The following GABRG3 variants were observed in gnomAD, a reference collection of about 807,000 sequenced individuals.
The protein encoded by GABRG3 is gamma-aminobutyric acid type A receptor subunit gamma3, also known as gamma-aminobutyric acid receptor subunit gamma-3.
GABRG3 carries 25 observed loss-of-function variants against 48.8 expected under a neutral mutation model. That is an observed-to-expected ratio of 0.51 (90% CI 0.37 to 0.72). The LOEUF (loss-of-function observed/expected upper bound fraction) is 0.72, where lower values mean the gene tolerates loss of function less well. Ranked by LOEUF, GABRG3 falls within the 30% of genes least tolerant of loss-of-function variation. GABRG3 has a pLI of 0.00. For synonymous variants in GABRG3, 227 were observed against 217.6 expected (o/e 1.04, Z -0.38); for missense variants, 394 against 577.9 (o/e 0.68, Z 3.26).
chr15:27,246,405 A>G (rs940808871), intron 3 of GABRG3, among the ~76,000 whole-genome samples: 1 of 152,192 alleles, frequency 6.6e-6, no homozygotes, highest in Non-Finnish European at 1.5e-5. Flanking sequence ...CTACATATAT[A>G]CTTATTCCAT....
intron 3 of GABRG3, among the ~76,000 whole-genome samples, chr15:27,261,757 C>A (rs28508311): frequency 7.9e-4 from 120 of 152,044 alleles, no homozygotes; most frequent in African/African-American, 2.7e-3. Flanking sequence ...TCTTACCTTG[C>A]AAGATTATTG....
chr15:27,233,592 C>T (rs914904320), intron 3 of GABRG3, among the ~76,000 whole-genome samples: 1 of 152,120 alleles, frequency 6.6e-6, no homozygotes, highest in African/African-American at 2.4e-5. Flanking sequence ...ACGAAGGCTC[C>T]ACCCTCATGA....
Position 27,271,391 on chromosome 15 carries a change from C to T in GABRG3, c.271-55418C>T, listed in dbSNP as rs142469371. On this transcript the variant is annotated intron_variant, in intron 3 of 9. Coordinates refer to ENST00000615808, the MANE Select transcript of GABRG3 (RefSeq NM_033223.5). ...TCCTCCTCGTGCTCACTGCTTTCCA[C>T]GGGTCTTACGCAGGGAGCTGCGCAA... 79 of 355,038 alleles carry T rather than the reference C, an allele frequency of 2.2e-4. 1 individual carries two copies. Among genetic ancestry groups the T allele is most frequent in the African/African-American group, 1.3e-3 (60 of 46,814 alleles). The allele number at this position is 355,038 out of a possible 1,614,324, so 22.0% of individuals were successfully genotyped here.
chr15:27,105,937 T>G (rs1897442050), intron 3 of GABRG3, among the ~76,000 whole-genome samples: 1 of 152,084 alleles, frequency 6.6e-6, no homozygotes, highest in African/African-American at 2.4e-5. Context: ...TGCAATATTA[T>G]TCAGACTTTA....
At position 27,329,182 on chromosome 15, in the gene GABRG3, G is replaced by A. The variant is rs138814562; in HGVS notation, c.574+294G>A. Among the ~76,000 whole-genome samples, 165 of 152,300 alleles carry A rather than the reference G, an allele frequency of 1.1e-3. 1 individual carries two copies. Among genetic ancestry groups the A allele is most frequent in the African/African-American group, 3.8e-3 (157 of 41,566 alleles). On this transcript the variant is annotated intron_variant, in intron 5 of 9. Coordinates refer to ENST00000615808, the MANE Select transcript of GABRG3 (RefSeq NM_033223.5). ...CCAAAGACCCTTATGCTAATGAGCT[G>A]TGCATACTATTTGGAAGTATACAAA...
intron 3 of GABRG3, among the ~76,000 whole-genome samples, chr15:27,226,535 G>A (rs968295524): frequency 6.6e-6 from 1 of 151,938 alleles, no homozygotes; most frequent in Non-Finnish European, 1.5e-5. Context: ...GGAGAACCCT[G>A]CACAGCTCCT....
chr15:27,451,102 C>T (rs1566846398), intron 5 of GABRG3, among the ~76,000 whole-genome samples: 1 of 152,104 alleles, frequency 6.6e-6, no homozygotes, highest in African/African-American at 2.4e-5. Flanking sequence ...AACGTTCATA[C>T]TACCCAAAGT....
chr15:27,034,165 C>A (rs1896135998), intron 3 of GABRG3, among the ~76,000 whole-genome samples: 1 of 152,150 alleles, frequency 6.6e-6, no homozygotes, highest in African/African-American at 2.4e-5. Flanking sequence ...TGTATTGATG[C>A]CTTAATTTGA....
chr15:27,340,972 G>A (rs1488862671), intron 5 of GABRG3: 2 of 508,186 alleles, frequency 3.9e-6, no homozygotes, highest in Non-Finnish European at 7.8e-6. Context: ...TTTGTTTTGG[G>A]GTGTGTTTTG....
intron 9 of GABRG3, among the ~76,000 whole-genome samples, chr15:27,528,512 T>C (rs753628135): frequency 8.5e-5 from 13 of 152,232 alleles, no homozygotes; most frequent in Non-Finnish European, 1.6e-4. Flanking sequence ...CCTGTGACTA[T>C]TTATTTGGTT....
intron 5 of GABRG3, among the ~76,000 whole-genome samples, chr15:27,394,915 A>G (rs1212999436): frequency 1.3e-5 from 2 of 151,860 alleles, no homozygotes; most frequent in African/African-American, 2.4e-5. Flanking sequence ...CTTGACTATT[A>G]TGTGCTTAGG....
chr15:27,537,058 CT>C lies in GABRG3; in HGVS notation c.*4182del, dbSNP rs1891562334. On this transcript the variant is annotated 3_prime_UTR_variant, in exon 10 of 10. Coordinates refer to ENST00000615808, the MANE Select transcript of GABRG3 (RefSeq NM_033223.5). ...GAATTCACTCCATGATCTTGCAACT[CT>C]TTTTGAGTGCTTTTCCTGAGCGATT... 6.8e-6 allele frequency: 1 copy of C among 147,548 alleles called. No homozygotes were observed. The highest frequency in any genetic ancestry group is 1.5e-5 in the Non-Finnish European group (1 of 67,382). 9.1% of individuals were successfully genotyped at this position (147,548 alleles called of 1,614,324 possible).
At chr15:27,207,900 A>G (rs1888909911) in intron 3 of GABRG3, among the ~76,000 whole-genome samples, 1 of 152,146 alleles carries the variant, frequency 6.6e-6, no homozygotes, top group Non-Finnish European at 1.5e-5. Context: ...AGTTACAGAA[A>G]CAGGACAACC....
intron 3 of GABRG3, among the ~76,000 whole-genome samples, chr15:27,168,285 G>A (rs1400221788): frequency 3.3e-5 from 5 of 152,132 alleles, no homozygotes; most frequent in Non-Finnish European, 7.4e-5. Context: ...TCAGATTGAA[G>A]CTCTCATTTT....
intron 6 of GABRG3, among the ~76,000 whole-genome samples, chr15:27,490,730 T>C (rs1890329206): frequency 1.3e-5 from 2 of 152,226 alleles, no homozygotes; most frequent in South Asian, 2.1e-4. Context: ...CAACTTTCCC[T>C]GGACAACAGC....
chr15:26,996,644 A>ATTTATTTATTTAT (rs979702397), intron 2 of GABRG3, among the ~76,000 whole-genome samples: 3 of 144,078 alleles, frequency 2.1e-5, no homozygotes, highest in African/African-American at 7.4e-5. Flanking sequence ...TTATTTATTT[A>ATTTATTTATTTAT]TTTATTTTAT....
chr15:27,348,155 C>CAAAAAA lies in GABRG3; in HGVS notation c.574+19270_574+19271insAAAAAA, dbSNP rs535295684. Among the ~76,000 whole-genome samples the CAAAAAA allele has an allele frequency of 3.1e-3, 320 of 102,966 alleles. 59 individuals carry two copies. Among genetic ancestry groups the CAAAAAA allele is most frequent in the Middle Eastern group, 5.8e-3 (1 of 172 alleles). 67.5% of individuals were successfully genotyped at this position (102,966 alleles called of 152,430 possible). On this transcript the variant is annotated intron_variant, in intron 5 of 9. Coordinates refer to ENST00000615808, the MANE Select transcript of GABRG3 (RefSeq NM_033223.5). The stretch of plus-strand genomic sequence containing the variant: ...TGGGTGACAGAGCGAGACTCCATCT[C>CAAAAAA]AAATAAATAAAGAGTTGGAGATTTT...
chr15:27,216,455 T>G (rs1444623936), intron 3 of GABRG3, among the ~76,000 whole-genome samples: 1 of 152,178 alleles, frequency 6.6e-6, no homozygotes, highest in African/African-American at 2.4e-5. Flanking sequence ...CACAGCTACA[T>G]CTGCAAGGCA....
At chr15:27,149,895 AT>A (rs2140395738) in intron 3 of GABRG3, among the ~76,000 whole-genome samples, 1 of 152,350 alleles carries the variant, frequency 6.6e-6, no homozygotes, top group Non-Finnish European at 1.5e-5. Context: ...ACTCAAAAGG[AT>A]AAAGTTTTAA....
Sources: allele counts gnomAD v4.1 joint callset (sites outside exome capture counted in the v4.1 genomes callset), GRCh38; gene constraint gnomAD v4.1.1; transcripts MANE v1.5; gene names NCBI Gene and HGNC (gene_info 2026-07-23, HGNC 2026-07-21).